The following NEMP2 variants were observed in gnomAD, a reference collection of about 807,000 sequenced individuals.
NEMP2 encodes UPF0571 transmembrane protein.
NEMP2 carries 53 observed loss-of-function variants against 54.2 expected under a neutral mutation model. The observed-to-expected ratio is 0.98, with a 90% confidence interval of 0.78 to 1.23. The LOEUF is 1.23. NEMP2 is among the 50% of genes most tolerant of loss of function. The pLI is 0.00. For missense variants in NEMP2, 455 were observed against 511.3 expected (o/e 0.89, Z 1.06); for synonymous variants, 197 against 190.3 (o/e 1.04, Z -0.29).
chr2:190,483,399 C>A, the NEMP2 span, among the ~76,000 whole-genome samples: 1 of 152,182 alleles, frequency 6.6e-6, no homozygotes, highest in Non-Finnish European at 1.5e-5. Context: ...TGACTCTGGA[C>A]AAGGCATCTA....
chr2:190,472,332 A>C, the NEMP2 span, among the ~76,000 whole-genome samples: 1 of 152,036 alleles, frequency 6.6e-6, no homozygotes, highest in African/African-American at 2.4e-5. Flanking sequence ...GAAGTTAAAA[A>C]CCTTGAAAAA....
At chr2:190,511,244 T>G (rs941638348) in intron 7 of NEMP2, among the ~76,000 whole-genome samples, 1 of 152,124 alleles carries the variant, frequency 6.6e-6, no homozygotes, top group Non-Finnish European at 1.5e-5. Flanking sequence ...ATGCAGACCC[T>G]CTAGAACACT....
the NEMP2 span, among the ~76,000 whole-genome samples, chr2:190,494,315 C>A: frequency 1.3e-5 from 2 of 152,010 alleles, no homozygotes; most frequent in African/African-American, 4.8e-5. The surrounding 1 kb of genome is among the most constrained non-coding windows in gnomAD (Gnocchi z 5.7). Flanking sequence ...GAATTAGAAA[C>A]CCTGAACAGA....
chr2:190,610,190 A>G, the NEMP2 span: 1 of 152,192 alleles, frequency 6.6e-6, no homozygotes, highest in East Asian at 1.9e-4. This position sits in a 1 kb window ranked among gnomAD's most constrained non-coding sequence, Gnocchi z 5.4. Context: ...TTCTCTCTTC[A>G]TGGTAGGACT....
chr2:190,627,982 T>G, the NEMP2 span: 1 of 152,424 alleles, frequency 6.6e-6, no homozygotes, highest in Non-Finnish European at 1.5e-5. This position sits in a 1 kb window ranked among gnomAD's most constrained non-coding sequence, Gnocchi z 4.4. Flanking sequence ...CTCCCGCGCC[T>G]ACCGCGTCCC....
intron 1 of NEMP2, 184 bp downstream of exon 1, chr2:190,534,375 G>C (rs1162976361): frequency 8.3e-7 from 1 of 1,207,858 alleles, no homozygotes; most frequent in Non-Finnish European, 1.0e-6. Flanking sequence ...GAGAGACTAC[G>C]GAAGCCCAGT....
At chr2:190,487,998 G>A in the NEMP2 span, among the ~76,000 whole-genome samples, 1 of 152,130 alleles carries the variant, frequency 6.6e-6, no homozygotes, top group African/African-American at 2.4e-5. This position sits in a 1 kb window ranked among gnomAD's most constrained non-coding sequence, Gnocchi z 5.5. Context: ...TGCCTCCTGG[G>A]TTCAAACGAT....
In NEMP2 at chr2:190,507,819, C is replaced by A. The variant is rs1690230014; in HGVS notation, c.*1370G>T. ...AACTACTTAATTTGGCTCAGGAAAG[C>A]AGCAGTGCCAAAATTCTGTCTATCC... On this transcript the variant is annotated 3_prime_UTR_variant, in exon 9 of 9. Transcript: ENST00000409150. The surrounding 1 kb of genome is among the most constrained non-coding windows in gnomAD (Gnocchi z 4.4). 6.6e-6 allele frequency: 1 copy of A among 152,170 alleles called. No individual in the cohort carries two copies. Among genetic ancestry groups the A allele is most frequent in the South Asian group, 2.1e-4 (1 of 4,832 alleles). 9.4% of individuals were successfully genotyped at this position (152,170 alleles called of 1,614,324 possible).
Position 190,517,530 on chromosome 2 carries a change from A to G in NEMP2, c.602T>C (p.Phe201Ser), listed in dbSNP as rs908603941. The change falls in exon 5 of 9, where the codon TTC (phenylalanine) becomes TCC (serine). Residue 201 changes from phenylalanine to serine, a missense_variant. This residue lies in a region of NEMP2 where 294 missense variants were observed against 333.6 expected (regional missense o/e 0.88). Transcript: ENST00000409150. ...ACATAGTATGCCTACCTTCGGAATG[A>G]ATCTTTTCACCAACAGCAAGACAAA... is the stretch of plus-strand genomic sequence containing the variant. ...LVFVLLLVKRFIPKYSTFWAL... is the reference protein window; with the variant it reads ...LVFVLLLVKRSIPKYSTFWAL... 26 of 1,549,156 alleles carry G rather than the reference A, an allele frequency of 1.7e-5. No homozygotes were observed. The Admixed American group carries it at 3.2e-4, about 19-fold the overall frequency.
rs1046309180 is a variant in NEMP2 at position 190,519,582 on chromosome 2, T to G, written c.214-399A>C. ...GGAGTAAAGATAACTCAAAGTCAGC[T>G]GAAAAAAGAATACTCAAATGCGCAG... On this transcript the variant is annotated intron_variant, in intron 2 of 8. Coordinates refer to ENST00000409150, the MANE Select transcript of NEMP2 (RefSeq NM_001142645.2). The surrounding 1 kb of genome is among the most constrained non-coding windows in gnomAD (Gnocchi z 5.4). 6.6e-6 allele frequency among the ~76,000 whole-genome samples: 1 copy of G among 152,158 alleles called. No homozygotes were observed. Among genetic ancestry groups the G allele is most frequent in the Non-Finnish European group, 1.5e-5 (1 of 68,024 alleles).
chr2:190,547,521 A>T, the NEMP2 span, among the ~76,000 whole-genome samples: 6 of 152,230 alleles, frequency 3.9e-5, no homozygotes, highest in African/African-American at 1.4e-4. This position sits in a 1 kb window ranked among gnomAD's most constrained non-coding sequence, Gnocchi z 6.2. Flanking sequence ...AAAATTGCAA[A>T]TACTTTTTAT....
the NEMP2 span, chr2:190,437,609 T>G: frequency 3.8e-6 from 6 of 1,563,108 alleles, no homozygotes; most frequent in Non-Finnish European, 5.2e-6. The surrounding 1 kb of genome is among the most constrained non-coding windows in gnomAD (Gnocchi z 5.9). Flanking sequence ...GAACTTTATC[T>G]TTTTATGGTT....
the NEMP2 span, among the ~76,000 whole-genome samples, chr2:190,474,584 A>G: frequency 6.6e-6 from 1 of 152,334 alleles, no homozygotes; most frequent in East Asian, 1.9e-4. Flanking sequence ...ATAGCTTACC[A>G]ACCAAAAAAA....
chr2:190,502,513 GT>G (rs1287162179), downstream of NEMP2, among the ~76,000 whole-genome samples: 4 of 152,164 alleles, frequency 2.6e-5, no homozygotes, highest in Admixed American at 6.5e-5. This position sits in a 1 kb window ranked among gnomAD's most constrained non-coding sequence, Gnocchi z 4.4. Context: ...TATTCCTCAA[GT>G]TTTAGGAATA....
chr2:190,559,936 A>G, the NEMP2 span, among the ~76,000 whole-genome samples: 1 of 152,016 alleles, frequency 6.6e-6, no homozygotes, highest in Non-Finnish European at 1.5e-5. The surrounding 1 kb of genome is among the most constrained non-coding windows in gnomAD (Gnocchi z 4.0). Context: ...TAAAAGGAGG[A>G]GGTGAGTGAG....
chr2:190,441,900 A>G, the NEMP2 span, among the ~76,000 whole-genome samples: 5 of 151,984 alleles, frequency 3.3e-5, no homozygotes, highest in Admixed American at 2.0e-4. Flanking sequence ...TCTGTCACCT[A>G]CCTAACCAAG....
intron 7 of NEMP2, among the ~76,000 whole-genome samples, chr2:190,511,565 T>C (rs1690366876): frequency 6.7e-6 from 1 of 148,978 alleles, no homozygotes; most frequent in African/African-American, 2.5e-5. Flanking sequence ...TTTTTTTTTT[T>C]TTTTTTTGAG....
At chr2:190,481,131 T>G in the NEMP2 span, among the ~76,000 whole-genome samples, 1 of 152,226 alleles carries the variant, frequency 6.6e-6, no homozygotes, top group African/African-American at 2.4e-5. Context: ...ACACTGGGCG[T>G]GTAGTATAAT....
the NEMP2 span, among the ~76,000 whole-genome samples, chr2:190,491,222 T>C: frequency 6.6e-6 from 1 of 152,226 alleles, no homozygotes; most frequent in Admixed American, 6.5e-5. The surrounding 1 kb of genome is among the most constrained non-coding windows in gnomAD (Gnocchi z 4.2). Flanking sequence ...TTAAAATACT[T>C]GTGTTCTGGA....
Sources: gnomAD v4.1 joint callset for allele counts (sites outside exome capture counted in the v4.1 genomes callset) on GRCh38, gnomAD v4.1.1 for gene constraint, gnomAD v4.1.1 regional missense constraint, Gnocchi (gnomAD v3.1) non-coding constraint, MANE v1.5 for transcripts, NCBI Gene and HGNC (gene_info 2026-07-23, HGNC 2026-07-21) for gene names.